Variants in NRF1 observed in about 807,000 individuals in gnomAD.
NRF1 encodes nuclear respiratory factor 1, also known as alpha palindromic-binding protein.
A neutral mutation model predicts 58.5 loss-of-function variants in NRF1; 5 were observed. The observed-to-expected ratio is 0.09, with a 90% CI of 0.04 to 0.18. The LOEUF is 0.18. NRF1 is among the 10% of genes least tolerant of loss of function. The pLI is 1.00. For synonymous variants in NRF1, 224 were observed against 246.7 expected (o/e 0.91, Z 0.86); for missense variants, 288 against 657.7 (o/e 0.44, Z 6.15).
At chr7:129,671,158 A>C (rs1313086684) in intron 2 of NRF1, among the ~76,000 whole-genome samples, 1 of 152,240 alleles carries the variant, frequency 6.6e-6, no homozygotes, top group Non-Finnish European at 1.5e-5. Context: ...AAGCCAAAGA[A>C]AAACAACATT....
chr7:129,683,631 G>GA (rs1474290582), intron 4 of NRF1, among the ~76,000 whole-genome samples: 2 of 122,734 alleles, frequency 1.6e-5, no homozygotes, highest in African/African-American at 6.1e-5. Context: ...CAACTGGCCG[G>GA]AATTTTTTTT....
intron 10 of NRF1, among the ~76,000 whole-genome samples, chr7:129,747,526 C>A (rs1584693528): frequency 6.6e-6 from 1 of 152,212 alleles, no homozygotes; most frequent in East Asian, 1.9e-4. Flanking sequence ...TACTCAAAGT[C>A]ATCTTTGAAA....
At chr7:129,662,689 C>T (rs79963589) in intron 2 of NRF1, among the ~76,000 whole-genome samples, 8 of 152,180 alleles carry the variant, frequency 5.3e-5, no homozygotes, top group Non-Finnish European at 7.4e-5. Context: ...TTTGCTTCTG[C>T]GAGATGCCCG....
intron 1 of NRF1, among the ~76,000 whole-genome samples, chr7:129,612,957 CCATT>C (rs1238137280): frequency 1.3e-5 from 2 of 152,224 alleles, no homozygotes; most frequent in African/African-American, 4.8e-5. Flanking sequence ...TGCCTGCTCT[CCATT>C]CTTCTTAAGC....
At chr7:129,634,042 AGATAT>A (rs1487558506) in intron 1 of NRF1, among the ~76,000 whole-genome samples, 1 of 91,388 alleles carries the variant, frequency 1.1e-5, no homozygotes, top group African/African-American at 3.9e-5. Flanking sequence ...AAAAAAAAAA[AGATAT>A]ATATATATAT....
intron 1 of NRF1, among the ~76,000 whole-genome samples, chr7:129,614,160 G>A (rs1407524628): frequency 4.6e-5 from 7 of 152,160 alleles, no homozygotes; most frequent in African/African-American, 1.7e-4. Flanking sequence ...CTGTCACCCA[G>A]GCTGGAGTGC....
intron 1 of NRF1, among the ~76,000 whole-genome samples, chr7:129,646,982 A>G (rs932964477): frequency 3.3e-5 from 5 of 152,212 alleles, no homozygotes; most frequent in African/African-American, 1.2e-4. Context: ...TGATAGATCT[A>G]TTCATAGAGA....
At chr7:129,660,620 C>G (rs1801757861) in intron 2 of NRF1, among the ~76,000 whole-genome samples, 2 of 151,036 alleles carry the variant, frequency 1.3e-5, no homozygotes, top group African/African-American at 5.0e-5. Flanking sequence ...TCCTTTGATT[C>G]CATGTCTCAC....
chr7:129,685,349 G>A (rs1802418758), intron 4 of NRF1, among the ~76,000 whole-genome samples: 2 of 152,086 alleles, frequency 1.3e-5, no homozygotes, highest in Admixed American at 1.3e-4. Flanking sequence ...TCAGGAATTC[G>A]AGGCTGCAGT....
At chr7:129,744,243 T>C in intron 10 of NRF1, 1 of 1,548,686 alleles carries the variant, frequency 6.5e-7, no homozygotes, top group Non-Finnish European at 8.7e-7. Flanking sequence ...GGTTCATCTT[T>C]GGGGAAAGAA....
intron 10 of NRF1, among the ~76,000 whole-genome samples, chr7:129,754,464 T>TAAAAAAAAAAAAAAAAAAAAAA (rs57595268): frequency 2.0e-5 from 1 of 51,208 alleles, no homozygotes; most frequent in African/African-American, 9.5e-5. Flanking sequence ...CCCTGTCTCT[T>TAAAAAAAAAAAAAAAAAAAAAA]AAAAAAAAAA....
chr7:129,636,755 G>A (rs1377740886), intron 1 of NRF1, among the ~76,000 whole-genome samples: 2 of 152,124 alleles, frequency 1.3e-5, no homozygotes, highest in East Asian at 3.9e-4. Flanking sequence ...TCTAGTTTGT[G>A]TTGCTTCGAT....
chr7:129,635,600 A>G (rs1399410187), intron 1 of NRF1, among the ~76,000 whole-genome samples: 2 of 152,168 alleles, frequency 1.3e-5, no homozygotes, highest in Non-Finnish European at 2.9e-5. Flanking sequence ...AAATGACCTA[A>G]GACAGTCTTC....
rs193181360 is a variant in NRF1, at chr7:129,623,529, C to G, written c.-7+11705C>G. 5.2e-3 allele frequency among the ~76,000 whole-genome samples: 791 copies of G among 152,178 alleles called. 20 individuals are homozygous for G. The highest frequency in any genetic ancestry group is 0.048 in the Admixed American group (732 of 15,294). Reference sequence around the variant, plus strand: ...AATTCTGTGTAAAGAATAACTGGAACTTTCTCAAAGGTATCTTTCTTAAAA... The same window carrying G: ...AATTCTGTGTAAAGAATAACTGGAAGTTTCTCAAAGGTATCTTTCTTAAAA... On this transcript the variant is annotated intron_variant, in intron 1 of 10. Coordinates refer to ENST00000393232, the MANE Select transcript of NRF1 (RefSeq NM_005011.5).
intron 1 of NRF1, among the ~76,000 whole-genome samples, chr7:129,645,085 AT>A (rs1801375059): frequency 6.6e-6 from 1 of 151,860 alleles, no homozygotes; most frequent in South Asian, 2.1e-4. Flanking sequence ...TCCCTTCAAC[AT>A]TTCTTTGCTG....
chr7:129,681,971 A>G (rs1584636028), intron 4 of NRF1, among the ~76,000 whole-genome samples: 1 of 151,410 alleles, frequency 6.6e-6, no homozygotes, highest in East Asian at 1.9e-4. Flanking sequence ...ACTCCCAGCT[A>G]CTTGGGAGGC....
At chr7:129,620,708 G>C (rs1329141464) in intron 1 of NRF1, among the ~76,000 whole-genome samples, 1 of 152,144 alleles carries the variant, frequency 6.6e-6, no homozygotes, top group East Asian at 1.9e-4. Context: ...GTTTTAAAGG[G>C]AAAGTGTTTT....
intron 10 of NRF1, 100 bp downstream of exon 10, chr7:129,727,465 G>A (rs1003591250): frequency 8.6e-6 from 11 of 1,279,626 alleles, no homozygotes; most frequent in Admixed American, 5.8e-5. Context: ...TTTGAGCTTC[G>A]ATTTTTTTTT....
chr7:129,637,849 GA>G (rs1479020223), intron 1 of NRF1, among the ~76,000 whole-genome samples: 1 of 134,808 alleles, frequency 7.4e-6, no homozygotes, highest in Non-Finnish European at 1.8e-5. Flanking sequence ...AACATTATGA[GA>G]TTTTTTTGTG....
Sources: allele counts gnomAD v4.1 joint callset (sites outside exome capture counted in the v4.1 genomes callset), GRCh38; gene constraint gnomAD v4.1.1; transcripts MANE v1.5; gene names NCBI Gene and HGNC (gene_info 2026-07-23, HGNC 2026-07-21).